DPP6: variants seen among roughly 807,000 people sequenced by gnomAD.
The protein encoded by DPP6 is dipeptidyl peptidase like 6.
A neutral mutation model predicts 122.6 loss-of-function variants in DPP6; 69 were observed. The ratio of observed to expected loss-of-function variants is 0.56; its 90% CI spans 0.46 to 0.69. The LOEUF (loss-of-function observed/expected upper bound fraction) is 0.69, where lower values mean the gene tolerates loss of function less well. Among genes scored for constraint, DPP6 ranks in the 30% least tolerant of loss-of-function variants. The probability of loss-of-function intolerance (pLI) is 0.00; values close to 1 mark genes in which losing one functional copy is unlikely to be tolerated. For missense variants in DPP6, 928 were observed against 1,116.9 expected (o/e 0.83, Z 2.41); for synonymous variants, 418 against 433.1 (o/e 0.97, Z 0.43).
At chr7:153,999,437 A>G (rs1797587974) in intron 1 of DPP6, among the ~76,000 whole-genome samples, 1 of 152,128 alleles carries the variant, frequency 6.6e-6, no homozygotes, top group African/African-American at 2.4e-5. Context: ...TCACATCTTC[A>G]AGGCTTTGTT....
chr7:154,830,174 T>C (rs1800522848), intron 16 of DPP6, among the ~76,000 whole-genome samples: 1 of 152,230 alleles, frequency 6.6e-6, no homozygotes, highest in African/African-American at 2.4e-5. Flanking sequence ...TGTCTCTATC[T>C]TTTTCATCTT....
intron 1 of DPP6, among the ~76,000 whole-genome samples, chr7:153,936,795 A>G (rs959467692): frequency 3.6e-5 from 5 of 139,852 alleles, no homozygotes; most frequent in African/African-American, 1.4e-4. Context: ...TGGGTGACAG[A>G]GTGAGACTCC....
intron 1 of DPP6, among the ~76,000 whole-genome samples, chr7:153,888,012 G>A (rs998886336): frequency 2.0e-5 from 3 of 152,212 alleles, no homozygotes; most frequent in African/African-American, 7.2e-5. Context: ...TGGGAGGAAG[G>A]GGCTGCGGGG....
intron 1 of DPP6, among the ~76,000 whole-genome samples, chr7:154,083,702 A>C (rs1181430453): frequency 6.8e-6 from 1 of 148,028 alleles, no homozygotes; most frequent in Non-Finnish European, 1.5e-5. Flanking sequence ...CCAGCCATGC[A>C]TGCCCAAGGC....
chr7:154,002,966 CT>C (rs760430410), intron 1 of DPP6, among the ~76,000 whole-genome samples: 1 of 152,102 alleles, frequency 6.6e-6, no homozygotes, highest in Non-Finnish European at 1.5e-5. Context: ...TGTCGCTTCC[CT>C]CATGCGTTTT....
chr7:154,548,094 A>G (rs1367514204), intron 4 of DPP6, among the ~76,000 whole-genome samples: 2 of 152,118 alleles, frequency 1.3e-5, no homozygotes, highest in African/African-American at 4.8e-5. Context: ...CTGTAATCCC[A>G]GCTACTCAGG....
chr7:153,777,381 C>G, the DPP6 span, among the ~76,000 whole-genome samples: 412 of 144,970 alleles, frequency 2.8e-3, no homozygotes, highest in African/African-American at 0.01. Context: ...GCATCTCGTC[C>G]CTGGGTATTT....
intron 8 of DPP6, among the ~76,000 whole-genome samples, chr7:154,751,569 C>T (rs1393196704): frequency 1.3e-5 from 2 of 148,176 alleles, no homozygotes; most frequent in African/African-American, 5.0e-5. Context: ...GAGATCGTGC[C>T]ACTGCACTCC....
intron 16 of DPP6, among the ~76,000 whole-genome samples, chr7:154,827,868 G>A (rs1446197230): frequency 6.6e-6 from 1 of 152,118 alleles, no homozygotes; most frequent in African/African-American, 2.4e-5. Flanking sequence ...TGATGAAAAT[G>A]TCTTAGACTC....
Position 154,063,125 on chromosome 7 carries a change from GCACCCCCCACGAGA to G in DPP6, c.243+10063_243+10076del. On this transcript the variant is annotated intron_variant, in intron 1 of 25. Transcript: ENST00000377770. ...TAGTACCCCCATCGCAGGGGGGGAG[GCACCCCCCACGAGA>G]GTGGGGACTGAGAGCTATCCCCTTT... Among the ~76,000 whole-genome samples, 2 of 129,810 alleles carry G rather than the reference GCACCCCCCACGAGA, an allele frequency of 1.5e-5. 1 individual carries two copies. Among genetic ancestry groups the G allele is most frequent in the Non-Finnish European group, 3.4e-5 (2 of 59,400 alleles). The allele number at this position is 129,810 out of a possible 152,430, so 85.2% of individuals were successfully genotyped here. A position where few individuals can be genotyped will look rare whatever the true frequency, so the allele number is the denominator to read the frequency against.
At chr7:153,975,341 C>A in intron 1 of DPP6, among the ~76,000 whole-genome samples, 1 of 150,074 alleles carries the variant, frequency 6.7e-6, no homozygotes, top group African/African-American at 2.5e-5. Flanking sequence ...ACCCCCCACC[C>A]ACCCCCACAG....
chr7:153,964,969 A>G (rs28440792), intron 1 of DPP6, among the ~76,000 whole-genome samples: 563 of 40,096 alleles, frequency 0.014, 139 homozygotes, highest in African/African-American at 0.082. Flanking sequence ...TCTTTCTTTC[A>G]TTTCTTTTCC....
chr7:154,709,384 C>T (rs1456996901), intron 7 of DPP6, among the ~76,000 whole-genome samples: 8 of 151,496 alleles, frequency 5.3e-5, no homozygotes, highest in South Asian at 4.2e-4. Flanking sequence ...TTGTTGTTGT[C>T]GTTGCTATTT....
At chr7:154,311,514 AAAAG>A (rs1806887087) in intron 1 of DPP6, among the ~76,000 whole-genome samples, 1 of 152,092 alleles carries the variant, frequency 6.6e-6, no homozygotes, top group African/African-American at 2.4e-5. Context: ...AAAAAAAAGA[AAAAG>A]AAAAAGAAAA....
chr7:154,849,774 C>A (rs1024846165), intron 16 of DPP6, among the ~76,000 whole-genome samples: 3 of 152,172 alleles, frequency 2.0e-5, no homozygotes, highest in African/African-American at 7.2e-5. Flanking sequence ...TCAGCTTCAC[C>A]ATGGATTTTG....
At position 154,182,378 on chromosome 7, in the gene DPP6, C is replaced by G. The variant is rs115532906; in HGVS notation, c.243+129315C>G. ...CCCATTGCTGACCTACCAGGGGGCTCTGCTGTCCCCCTCCTCATGCTGGTT... is the reference window on the plus strand; with the variant it reads ...CCCATTGCTGACCTACCAGGGGGCTGTGCTGTCCCCCTCCTCATGCTGGTT... On this transcript the variant is annotated intron_variant, in intron 1 of 25. Transcript: ENST00000377770. Among the ~76,000 whole-genome samples, 1,286 of 152,248 alleles carry G rather than the reference C, an allele frequency of 8.4e-3. 23 individuals carry two copies. The highest frequency in any genetic ancestry group is 0.029 in the African/African-American group (1,200 of 41,554).
chr7:154,008,785 C>T (rs946562599), intron 1 of DPP6, among the ~76,000 whole-genome samples: 3 of 151,156 alleles, frequency 2.0e-5, no homozygotes, highest in African/African-American at 7.3e-5. Context: ...CCTCAGCCTC[C>T]CGAGTAGCTG....
chr7:153,789,249 A>G, the DPP6 span, among the ~76,000 whole-genome samples: 1 of 152,208 alleles, frequency 6.6e-6, no homozygotes, highest in Admixed American at 6.5e-5. Context: ...CTCATAATCA[A>G]TGTTATCTTA....
intron 1 of DPP6, among the ~76,000 whole-genome samples, chr7:154,022,421 G>GA (rs955748631): frequency 6.6e-5 from 10 of 151,588 alleles, no homozygotes; most frequent in Non-Finnish European, 1.0e-4. Context: ...GGAAGAAATA[G>GA]AAAAAAAAGG....
Sources: gnomAD v4.1 joint callset for allele counts (sites outside exome capture counted in the v4.1 genomes callset) on GRCh38, gnomAD v4.1.1 for gene constraint, MANE v1.5 for transcripts, NCBI Gene and HGNC (gene_info 2026-07-23, HGNC 2026-07-21) for gene names.